The following CERS6 variants were observed in gnomAD, a reference collection of about 807,000 sequenced individuals.
The protein encoded by CERS6 is LAG1 homolog, ceramide synthase 6.
CERS6 carries 26 observed loss-of-function variants against 56.8 expected under a neutral mutation model. That is an observed-to-expected ratio of 0.46 (90% confidence interval 0.34 to 0.63). The LOEUF (loss-of-function observed/expected upper bound fraction) is 0.63. Ranked by LOEUF, CERS6 falls within the 30% of genes least tolerant of loss-of-function variation. The probability of loss-of-function intolerance (pLI) is 0.01; values close to 1 mark genes in which losing one functional copy is unlikely to be tolerated. For synonymous variants in CERS6, 164 were observed against 173.3 expected (o/e 0.95, Z 0.42); for missense variants, 415 against 467.5 (o/e 0.89, Z 1.04).
At chr2:168,567,883 G>A (rs989446951) in intron 3 of CERS6, among the ~76,000 whole-genome samples, 10 of 152,186 alleles carry the variant, frequency 6.6e-5, no homozygotes, top group African/African-American at 2.4e-4. Flanking sequence ...TATCCTCAAG[G>A]CAGCATTGCT....
At chr2:168,642,208 CA>C (rs946131812) in intron 4 of CERS6, among the ~76,000 whole-genome samples, 1 of 151,878 alleles carries the variant, frequency 6.6e-6, no homozygotes, top group African/African-American at 2.4e-5. Context: ...GCCGTCTCTA[CA>C]AAAAAATATA....
At chr2:168,545,883 A>G (rs1695457644) in intron 1 of CERS6, among the ~76,000 whole-genome samples, 1 of 148,748 alleles carries the variant, frequency 6.7e-6, no homozygotes, top group South Asian at 2.3e-4. Flanking sequence ...ACAATGTGTC[A>G]GAGGTGTGGG....
At chr2:168,526,292 G>T (rs1441169019) in intron 1 of CERS6, among the ~76,000 whole-genome samples, 1 of 152,090 alleles carries the variant, frequency 6.6e-6, no homozygotes, top group Admixed American at 6.5e-5. Flanking sequence ...TCTTATTTGA[G>T]CTTCTCTTTG....
At chr2:168,671,897 C>T (rs1000088932) in intron 4 of CERS6, among the ~76,000 whole-genome samples, 1 of 152,166 alleles carries the variant, frequency 6.6e-6, no homozygotes, top group Non-Finnish European at 1.5e-5. Context: ...GGCAAAACCC[C>T]TTCAATTAGA....
chr2:168,704,738 C>G (rs898938324), intron 6 of CERS6, among the ~76,000 whole-genome samples: 2 of 152,198 alleles, frequency 1.3e-5, no homozygotes, highest in African/African-American at 4.8e-5. Context: ...TCCCAAGTAG[C>G]TGGGACTACA....
At chr2:168,724,238 T>C (rs1033362298) in intron 8 of CERS6, among the ~76,000 whole-genome samples, 30 of 151,738 alleles carry the variant, frequency 2.0e-4, no homozygotes, top group African/African-American at 7.3e-4. Context: ...CGTCTGGAGT[T>C]GTTCATTCCT....
chr2:168,570,103 T>G (rs941775574), intron 3 of CERS6, among the ~76,000 whole-genome samples: 4 of 152,094 alleles, frequency 2.6e-5, no homozygotes, highest in African/African-American at 9.6e-5. Flanking sequence ...TGTCGATCAT[T>G]TTGAGGAGGA....
At chr2:168,760,368 CATGTTTCTGCCTGCTTT>C (rs1181397007) in intron 8 of CERS6, among the ~76,000 whole-genome samples, 1 of 152,128 alleles carries the variant, frequency 6.6e-6, no homozygotes, top group African/African-American at 2.4e-5. Context: ...TCGCGTTTCC[CATGTTTCTGCCTGCTTT>C]ATATTTGCCG....
intron 1 of CERS6, among the ~76,000 whole-genome samples, chr2:168,489,867 A>G (rs1454379353): frequency 6.6e-6 from 1 of 152,050 alleles, no homozygotes. Context: ...ATATTTTCCT[A>G]GTTCTTCGTA....
intron 8 of CERS6, among the ~76,000 whole-genome samples, chr2:168,746,445 C>T (rs1684097769): frequency 2.0e-5 from 3 of 151,990 alleles, no homozygotes. Flanking sequence ...GAAAAGCACA[C>T]ATCCCACCCC....
At chr2:168,741,865 T>C (rs1196731847) in intron 8 of CERS6, among the ~76,000 whole-genome samples, 3 of 152,172 alleles carry the variant, frequency 2.0e-5, no homozygotes, top group Non-Finnish European at 2.9e-5. Context: ...GGCATGGAAA[T>C]AACAGAAGTT....
At chr2:168,674,959 CTTATTTATTTATTTAT>C (rs59783108) in intron 4 of CERS6, among the ~76,000 whole-genome samples, 7 of 148,530 alleles carry the variant, frequency 4.7e-5, no homozygotes, top group South Asian at 4.5e-4. Context: ...TTTACATTAC[CTTATTTATTTATTTAT>C]TTATTTATTT....
chr2:168,625,763 T>G (rs1174761282), intron 3 of CERS6, among the ~76,000 whole-genome samples: 2 of 151,956 alleles, frequency 1.3e-5, no homozygotes, highest in Non-Finnish European at 2.9e-5. Context: ...GGTGAGTGAG[T>G]AGGACAGAGA....
At chr2:168,652,810 T>G (rs1685378590) in intron 4 of CERS6, among the ~76,000 whole-genome samples, 1 of 152,210 alleles carries the variant, frequency 6.6e-6, no homozygotes, top group African/African-American at 2.4e-5. Context: ...ATCTTCCTCA[T>G]GCACATCTGG....
rs1357756019 is a variant in CERS6, at chr2:168,470,259, TG to T, written c.170+13643del. On this transcript the variant is annotated intron_variant, in intron 1 of 9. Coordinates refer to ENST00000305747, the MANE Select transcript of CERS6 (RefSeq NM_203463.3). Reference sequence around the variant, plus strand: ...TTAGCTGGGCGTGGTGGTATGCACCTGGAGCCCCAGCTACCCCAGAGGCTGA... The same window carrying T: ...TTAGCTGGGCGTGGTGGTATGCACCTGAGCCCCAGCTACCCCAGAGGCTGA... Among the ~76,000 whole-genome samples, 4 of 150,122 alleles carry T rather than the reference TG, an allele frequency of 2.7e-5. No homozygotes were observed. The South Asian group carries it at 8.4e-4, about 31-fold the overall frequency.
chr2:168,706,437 C>G (rs912504571), intron 6 of CERS6, among the ~76,000 whole-genome samples: 2 of 152,180 alleles, frequency 1.3e-5, no homozygotes, highest in African/African-American at 4.8e-5. Flanking sequence ...GTAAACTCTG[C>G]TTATACAATG....
At chr2:168,523,600 CT>C (rs1228250143) in intron 1 of CERS6, among the ~76,000 whole-genome samples, 2 of 152,026 alleles carry the variant, frequency 1.3e-5, no homozygotes, top group Admixed American at 1.3e-4. Flanking sequence ...CCACTACCTG[CT>C]GGTGGAGAGA....
chr2:168,516,617 T>C (rs1694888786), intron 1 of CERS6, among the ~76,000 whole-genome samples: 1 of 152,206 alleles, frequency 6.6e-6, no homozygotes, highest in South Asian at 2.1e-4. Context: ...ATTAAATGAA[T>C]TGCTAGGTGT....
chr2:168,716,739 C>T (rs982985376), intron 7 of CERS6, among the ~76,000 whole-genome samples: 7 of 152,066 alleles, frequency 4.6e-5, no homozygotes, highest in African/African-American at 1.7e-4. Flanking sequence ...TACCTTTTAA[C>T]ATAATTTATG....
Sources: gnomAD v4.1 joint callset for allele counts (sites outside exome capture counted in the v4.1 genomes callset) on GRCh38, gnomAD v4.1.1 for gene constraint, MANE v1.5 for transcripts, NCBI Gene and HGNC (gene_info 2026-07-23, HGNC 2026-07-21) for gene names.